SMC6: variants seen among roughly 807,000 people sequenced by gnomAD.
The protein encoded by SMC6 is structural maintenance of chromosomes 6.
Under a neutral mutation model 142.2 loss-of-function variants are expected in SMC6, and 79 were observed. That is an observed-to-expected ratio of 0.56 (90% CI 0.46 to 0.67). The LOEUF (loss-of-function observed/expected upper bound fraction) is 0.67, where lower values mean the gene tolerates loss of function less well. Among genes scored for constraint, SMC6 ranks in the 30% least tolerant of loss-of-function variants. SMC6 has a pLI of 0.00. For missense variants in SMC6, 1,072 were observed against 1,284.0 expected (o/e 0.83, Z 2.52); for synonymous variants, 411 against 412.4 (o/e 1.00, Z 0.04).
intron 3 of SMC6, among the ~76,000 whole-genome samples, chr2:17,745,568 T>C (rs1431891863): frequency 6.6e-6 from 1 of 152,180 alleles, no homozygotes; most frequent in African/African-American, 2.4e-5. Context: ...GTAATTTGTG[T>C]CTTTTCTCTT....
rs1384932793 is a variant in SMC6 at position 17,703,268 on chromosome 2, A to T, written c.2031T>A (p.Asn677Lys). 1 of 1,603,532 alleles carries T rather than the reference A, an allele frequency of 6.2e-7. No individual in the cohort carries two copies. Among genetic ancestry groups the T allele is most frequent in the South Asian group, 1.1e-5 (1 of 88,878 alleles). Residue 677 changes from asparagine (N) to lysine (K), a missense_variant, in exon 19 of 28, where the codon AAT (asparagine) becomes AAA (lysine). Around this residue, in one of 3 missense-constraint regions of SMC6, gnomAD observed 994 missense variants for 1,153.2 expected, o/e 0.86. Coordinates refer to ENST00000448223, the MANE Select transcript of SMC6 (RefSeq NM_001142286.2). ...GAAGATTTAATATCTGGGCCGTCTT[A>T]TTTTCAACCTCATTCTCCAAGTCAC... ...EISDLENEVE[N>K]KTAQILNLQQ...
intron 3 of SMC6, among the ~76,000 whole-genome samples, chr2:17,742,217 T>C (rs1452404360): frequency 2.6e-5 from 4 of 152,204 alleles, no homozygotes; most frequent in African/African-American, 9.7e-5. Context: ...ATATACTTTA[T>C]TTAGAATACC....
At chr2:17,713,982 C>T (rs1245580639) in intron 16 of SMC6, among the ~76,000 whole-genome samples, 1 of 151,868 alleles carries the variant, frequency 6.6e-6, no homozygotes, top group Non-Finnish European at 1.5e-5. Flanking sequence ...AGACATAGCA[C>T]TAGACTTAAT....
chr2:17,699,641 ATTTG>A (rs1668174782), intron 21 of SMC6, among the ~76,000 whole-genome samples: 2 of 152,006 alleles, frequency 1.3e-5, no homozygotes, highest in Admixed American at 6.6e-5. Flanking sequence ...GTTTCAGTCT[ATTTG>A]TTTTTCTTTA....
chr2:17,697,310 T>C (rs147239973), intron 21 of SMC6, among the ~76,000 whole-genome samples: 1 of 151,706 alleles, frequency 6.6e-6, no homozygotes, highest in Admixed American at 6.6e-5. Context: ...AAACAGATGA[T>C]GGCACATAAA....
chr2:17,673,831 A>T (rs1666883541), intron 25 of SMC6, among the ~76,000 whole-genome samples: 1 of 151,946 alleles, frequency 6.6e-6, no homozygotes, highest in Non-Finnish European at 1.5e-5. Flanking sequence ...AGCCTCCCAA[A>T]GTGCCGGGAT....
At chr2:17,673,860 C>G (rs1167994295) in intron 25 of SMC6, among the ~76,000 whole-genome samples, 1 of 152,086 alleles carries the variant, frequency 6.6e-6, no homozygotes, top group East Asian at 1.9e-4. Flanking sequence ...TGAGCCACCA[C>G]GCCCGGCCGC....
At chr2:17,693,357 A>G (rs1225377969) in intron 23 of SMC6, among the ~76,000 whole-genome samples, 2 of 152,230 alleles carry the variant, frequency 1.3e-5, no homozygotes, top group Non-Finnish European at 1.5e-5. Flanking sequence ...ATGGAATACT[A>G]TGCAGCCATA....
chr2:17,716,936 T>G (rs1669117872), intron 13 of SMC6, 31 bp from the exon 14 acceptor site: 1 of 1,580,226 alleles, frequency 6.3e-7, no homozygotes, highest in Admixed American at 1.9e-5. Flanking sequence ...GTGAAAAATG[T>G]TAGTTCAATG....
At chr2:17,709,052 C>A (rs895571360) in intron 16 of SMC6, among the ~76,000 whole-genome samples, 1 of 151,990 alleles carries the variant, frequency 6.6e-6, no homozygotes, top group African/African-American at 2.4e-5. Context: ...ATTATTCTCT[C>A]CACATTTTTT....
chr2:17,712,250 C>T (rs184627811), intron 16 of SMC6, among the ~76,000 whole-genome samples: 1 of 152,262 alleles, frequency 6.6e-6, no homozygotes, highest in East Asian at 1.9e-4. Context: ...GCAGTCTCCC[C>T]TAGGAGAGGT....
At chr2:17,720,182 T>C (rs922683561) in intron 11 of SMC6, among the ~76,000 whole-genome samples, 2 of 152,180 alleles carry the variant, frequency 1.3e-5, no homozygotes, top group Non-Finnish European at 2.9e-5. Flanking sequence ...GGTATATGAA[T>C]GATATCTCAA....
chr2:17,748,217 C>T (rs1202813463), intron 2 of SMC6, among the ~76,000 whole-genome samples: 1 of 152,170 alleles, frequency 6.6e-6, no homozygotes, highest in Non-Finnish European at 1.5e-5. Context: ...AGATATCCAC[C>T]TATCAGATAT....
chr2:17,713,437 T>C (rs999420706), intron 16 of SMC6: 1 of 469,730 alleles, frequency 2.1e-6, no homozygotes, highest in Non-Finnish European at 4.4e-6. Flanking sequence ...CTTTGTCACA[T>C]GTGTTTCGTG....
intron 15 of SMC6, among the ~76,000 whole-genome samples, chr2:17,715,488 G>A (rs190379471): frequency 7.2e-5 from 11 of 151,728 alleles, no homozygotes; most frequent in Admixed American, 5.2e-4. Context: ...TGGTATAAAG[G>A]TATGTATCAT....
intron 18 of SMC6, among the ~76,000 whole-genome samples, chr2:17,706,567 GTTC>G (rs1668522386): frequency 6.7e-6 from 1 of 149,904 alleles, no homozygotes; most frequent in African/African-American, 2.5e-5. Context: ...TAAGTCCTAA[GTTC>G]TTCTACTGAA....
At position 17,708,772 on chromosome 2, in the gene SMC6, G is replaced by A. The variant is rs772092115; in HGVS notation, c.1731-19C>T. 4 of 1,374,818 alleles carry A rather than the reference G, an allele frequency of 2.9e-6. No homozygotes were observed. The highest frequency in any genetic ancestry group is 2.9e-6 in the Non-Finnish European group (3 of 1,033,476). The allele number at this position is 1,374,818 out of a possible 1,614,324, so 85.2% of individuals were successfully genotyped here. On this transcript the variant is annotated intron_variant, in intron 16 of 27. Transcript: ENST00000448223. ...AGCAGCTCTAGGAGACAAAAATACA[G>A]AAGGATTAACTTAGCAAATTTTAAT...
chr2:17,711,260 T>C (rs1668812477), intron 16 of SMC6, among the ~76,000 whole-genome samples: 2 of 152,146 alleles, frequency 1.3e-5, no homozygotes, highest in Admixed American at 1.3e-4. Flanking sequence ...CTGGCTTATA[T>C]TACAATTAAT....
intron 6 of SMC6, 68 bp downstream of exon 6, chr2:17,731,673 C>G: frequency 6.9e-7 from 1 of 1,453,152 alleles, no homozygotes; most frequent in South Asian, 1.2e-5. Context: ...TCAATACCAG[C>G]AGTCATCTAA....
Sources: gnomAD v4.1 joint callset for allele counts (sites outside exome capture counted in the v4.1 genomes callset) on GRCh38, gnomAD v4.1.1 for gene constraint, gnomAD v4.1.1 regional missense constraint, MANE v1.5 for transcripts, NCBI Gene and HGNC (gene_info 2026-07-23, HGNC 2026-07-21) for gene names.